The following CACNA2D3 variants were observed in gnomAD, a reference collection of about 807,000 sequenced individuals.
CACNA2D3 encodes the protein calcium voltage-gated channel auxiliary subunit alpha2delta 3.
In CACNA2D3, 60 loss-of-function variants were observed where a neutral mutation model predicts 160.6. The observed-to-expected ratio is 0.37, with a 90% CI of 0.30 to 0.46. The LOEUF (loss-of-function observed/expected upper bound fraction) is 0.46, where lower values mean the gene tolerates loss of function less well. CACNA2D3 is among the 20% of genes least tolerant of loss of function. The probability of loss-of-function intolerance (pLI) is 1.00; values close to 1 mark genes in which losing one functional copy is unlikely to be tolerated. For missense variants in CACNA2D3, 1,205 were observed against 1,365.0 expected, an observed-to-expected ratio of 0.88 and a Z score of 1.85; for synonymous variants, 558 against 492.9, an observed-to-expected ratio of 1.13 and a Z score of -1.75.
At chr3:54,746,124 A>G (rs187987995) in intron 11 of CACNA2D3, among the ~76,000 whole-genome samples, 320 of 152,318 alleles carry the variant, frequency 2.1e-3, no homozygotes, top group African/African-American at 6.9e-3. Context: ...TTTGGAGTCA[A>G]CCTTCTTTGA....
At chr3:55,050,237 G>T (rs1395521127) in intron 35 of CACNA2D3, among the ~76,000 whole-genome samples, 2 of 150,666 alleles carry the variant, frequency 1.3e-5, no homozygotes, top group Non-Finnish European at 3.0e-5. Context: ...TGCAGCGGCT[G>T]GTACCGGTTG....
At chr3:54,548,839 G>A (rs1702107751) in intron 5 of CACNA2D3, among the ~76,000 whole-genome samples, 1 of 152,140 alleles carries the variant, frequency 6.6e-6, no homozygotes, top group South Asian at 2.1e-4. Context: ...TGTTGGACGT[G>A]GCCCTGCAGT....
At chr3:54,183,810 G>A (rs2107325784) in intron 2 of CACNA2D3, among the ~76,000 whole-genome samples, 1 of 145,546 alleles carries the variant, frequency 6.9e-6, no homozygotes, top group Middle Eastern at 3.5e-3. Context: ...ACTTGAACCT[G>A]GGAGGCAGAG....
At chr3:54,548,603 AC>A (rs1260602710) in intron 5 of CACNA2D3, among the ~76,000 whole-genome samples, 1 of 152,104 alleles carries the variant, frequency 6.6e-6, no homozygotes, top group African/African-American at 2.4e-5. Context: ...AGTAGACACC[AC>A]CTTCTTCCTC....
At chr3:54,223,682 C>T (rs62252198) in intron 2 of CACNA2D3, among the ~76,000 whole-genome samples, 9,537 of 151,802 alleles carry the variant, frequency 0.063, 418 homozygotes, top group East Asian at 0.14. Flanking sequence ...GGTGAAACCC[C>T]GTCTCTACTA....
chr3:54,146,033 C>T (rs1691976145), intron 2 of CACNA2D3, among the ~76,000 whole-genome samples: 1 of 151,916 alleles, frequency 6.6e-6, no homozygotes, highest in African/African-American at 2.4e-5. Context: ...TTATATTTTT[C>T]ACTTCTAGAA....
chr3:54,832,145 T>C (rs1410809388), intron 14 of CACNA2D3, among the ~76,000 whole-genome samples: 2 of 152,116 alleles, frequency 1.3e-5, no homozygotes, highest in African/African-American at 4.8e-5. Flanking sequence ...GACATTCTTA[T>C]AGCCATTCAC....
intron 15 of CACNA2D3, 80 bp from the exon 16 acceptor site, chr3:54,838,488 G>T (rs963362429): frequency 9.1e-7 from 1 of 1,099,426 alleles, no homozygotes; most frequent in Admixed American, 1.7e-5. Flanking sequence ...CAGGCAGACG[G>T]TATGTGACTT....
rs1053626498 is a variant in CACNA2D3 at position 54,880,870 on chromosome 3, T to C, written c.1912+7T>C. ...AATGTAACCATCGAAGAAGGTAAGA[T>C]ACTGCCTGGCTCGTCTTATCCTTTG... On this transcript the variant is annotated splice_region_variant and intron_variant, in intron 21 of 37. Transcript: ENST00000474759. 5.0e-5 allele frequency: 80 copies of C among 1,612,732 alleles called. No homozygotes were observed. The highest frequency in any genetic ancestry group is 6.4e-5 in the Non-Finnish European group (75 of 1,178,890).
At chr3:55,025,727 G>T (rs1253667933) in intron 35 of CACNA2D3, among the ~76,000 whole-genome samples, 1 of 151,640 alleles carries the variant, frequency 6.6e-6, no homozygotes, top group African/African-American at 2.4e-5. Context: ...ATACCACGTT[G>T]GGTTGAAGAC....
In CACNA2D3 at chr3:54,687,131, T is replaced by TCC. The variant is rs1559549408; in HGVS notation, c.1167+44890_1167+44891insCC. On this transcript the variant is annotated intron_variant, in intron 11 of 37. Transcript: ENST00000474759. ...TTTCTTTTTCTTTTTCTTTTTTTTTTTTTGTTTTTTTTTTTTTTTGTTTTT... is the reference window on the plus strand; with the variant it reads ...TTTCTTTTTCTTTTTCTTTTTTTTTTCCTTTGTTTTTTTTTTTTTTTGTTTTT... Among the ~76,000 whole-genome samples the TCC allele has an allele frequency of 4.1e-5, 2 of 49,306 alleles. 1 individual carries two copies. Among genetic ancestry groups the TCC allele is most frequent in the South Asian group, 1.0e-3 (2 of 1,984 alleles). The allele number at this position is 49,306 out of a possible 152,430, so 32.3% of individuals were successfully genotyped here. A position where few individuals can be genotyped will look rare whatever the true frequency, so the allele number is the denominator to read the frequency against.
intron 5 of CACNA2D3, among the ~76,000 whole-genome samples, chr3:54,554,693 A>G (rs1454443282): frequency 1.3e-5 from 2 of 152,142 alleles, no homozygotes; most frequent in Non-Finnish European, 2.9e-5. Context: ...GTCCAAGGCC[A>G]TCAGCTAACC....
At chr3:54,757,480 C>T (rs573601910) in intron 12 of CACNA2D3, among the ~76,000 whole-genome samples, 91 of 152,224 alleles carry the variant, frequency 6.0e-4, no homozygotes, top group African/African-American at 1.8e-3. Flanking sequence ...TTTATGAGGC[C>T]GGAATGGTCA....
At chr3:55,061,780 A>G (rs1461904986) in intron 35 of CACNA2D3, among the ~76,000 whole-genome samples, 1 of 152,162 alleles carries the variant, frequency 6.6e-6, no homozygotes, top group Non-Finnish European at 1.5e-5. Flanking sequence ...CTCTGAACCC[A>G]TTGCTTTCTC....
intron 11 of CACNA2D3, among the ~76,000 whole-genome samples, chr3:54,657,816 G>A (rs769349671): frequency 2.0e-5 from 3 of 152,098 alleles, no homozygotes; most frequent in Non-Finnish European, 4.4e-5. Flanking sequence ...ATCATTTGAG[G>A]TCAGGAGTTT....
At chr3:54,617,685 A>G (rs1698884259) in intron 9 of CACNA2D3, among the ~76,000 whole-genome samples, 1 of 152,248 alleles carries the variant, frequency 6.6e-6, no homozygotes, top group South Asian at 2.1e-4. Context: ...TTAATTGGGC[A>G]TCCTATATTT....
chr3:54,725,524 G>T (rs1293042979), intron 11 of CACNA2D3, among the ~76,000 whole-genome samples: 1 of 152,070 alleles, frequency 6.6e-6, no homozygotes, highest in Non-Finnish European at 1.5e-5. Flanking sequence ...ATAAAAAACT[G>T]GCAAACCAAA....
At chr3:54,533,338 T>TC (rs1701834932) in intron 5 of CACNA2D3, among the ~76,000 whole-genome samples, 2 of 143,786 alleles carry the variant, frequency 1.4e-5, no homozygotes, top group South Asian at 2.3e-4. Context: ...TTTCCTTTTT[T>TC]TTTTTTTTTT....
intron 2 of CACNA2D3, among the ~76,000 whole-genome samples, chr3:54,302,439 C>T (rs1027031147): frequency 3.3e-5 from 5 of 152,144 alleles, no homozygotes; most frequent in African/African-American, 1.2e-4. Context: ...GAATGAGTTA[C>T]AGTAGAGCTT....
Sources: allele counts gnomAD v4.1 joint callset (sites outside exome capture counted in the v4.1 genomes callset), GRCh38; gene constraint gnomAD v4.1.1; transcripts MANE v1.5; gene names NCBI Gene and HGNC (gene_info 2026-07-23, HGNC 2026-07-21).